EZH2: variants seen among roughly 807,000 people sequenced by gnomAD.
EZH2 encodes enhancer of zeste 2 polycomb repressive complex 2 subunit, also known as histone-lysine N-methyltransferase EZH2.
A neutral mutation model predicts 98.4 loss-of-function variants in EZH2; 18 were observed. That is an observed-to-expected ratio of 0.18 (90% CI 0.13 to 0.27). EZH2 has a LOEUF of 0.27. Ranked by LOEUF, EZH2 falls within the 10% of genes least tolerant of loss-of-function variation. The pLI, the probability that EZH2 is intolerant of heterozygous loss-of-function variation, is 1.00. For synonymous variants in EZH2, 338 were observed against 312.3 expected, an observed-to-expected ratio of 1.08 and a Z score of -0.87; for missense variants, 470 against 935.1, an observed-to-expected ratio of 0.50 and a Z score of 6.49.
chr7:148,881,896 T>C (rs950247365), intron 1 of EZH2, among the ~76,000 whole-genome samples: 1 of 149,308 alleles, frequency 6.7e-6, no homozygotes, highest in Non-Finnish European at 1.5e-5. Flanking sequence ...ATCCAGCCAC[T>C]GCACTCCAGC....
At chr7:148,855,897 C>CAAAAAAAAAA (rs34692092) in intron 1 of EZH2, among the ~76,000 whole-genome samples, 1 of 41,016 alleles carries the variant, frequency 2.4e-5, no homozygotes, top group Non-Finnish European at 4.3e-5. Flanking sequence ...GACTCCATCT[C>CAAAAAAAAAA]AAAAAAAAAA....
intron 1 of EZH2, among the ~76,000 whole-genome samples, chr7:148,874,723 AAT>A (rs1375726335): frequency 6.6e-6 from 1 of 152,150 alleles, no homozygotes; most frequent in Non-Finnish European, 1.5e-5. Context: ...ACAAAAATAA[AAT>A]AGTGTATAGA....
intron 1 of EZH2, among the ~76,000 whole-genome samples, chr7:148,848,729 TC>T (rs1814869529): frequency 6.6e-6 from 1 of 152,166 alleles, no homozygotes; most frequent in African/African-American, 2.4e-5. Flanking sequence ...TATTATTAAA[TC>T]CTTGCCCCTA....
rs1395843139 is a variant in EZH2, at chr7:148,809,148, C to T, written c.2118G>A (p.Met706Ile). The T allele has an allele frequency of 6.2e-7, 1 of 1,614,046 alleles. No individual in the cohort carries two copies. Among genetic ancestry groups the T allele is most frequent in the Non-Finnish European group, 8.5e-7 (1 of 1,180,010 alleles). ...VNPNCYAKVM[M>I]VNGDHRIGIF... ...TACCTATCCTGTGATCACCGTTAAC[C>T]ATCATAACTGCAAAGAGACACACTG... Residue 706 changes from methionine to isoleucine, a missense_variant, in exon 19 of 20, where the codon ATG becomes ATA. Met to Ile is a conservative substitution (Grantham distance 10). Transcript: ENST00000320356.
chr7:148,823,635 T>C (rs1285020429), intron 8 of EZH2, among the ~76,000 whole-genome samples: 2 of 151,786 alleles, frequency 1.3e-5, no homozygotes, highest in African/African-American at 2.4e-5. Context: ...GGAGACTTTA[T>C]TGTACACATT....
intron 8 of EZH2, 126 bp from the exon 9 acceptor site, chr7:148,819,813 C>T: frequency 6.6e-6 from 5 of 754,346 alleles, no homozygotes; most frequent in Non-Finnish European, 1.1e-5. Flanking sequence ...TACGTTACTT[C>T]ATACAACTTT....
intron 1 of EZH2, among the ~76,000 whole-genome samples, chr7:148,876,728 G>A (rs912759103): frequency 4.6e-5 from 7 of 152,128 alleles, no homozygotes; most frequent in African/African-American, 1.7e-4. Context: ...TTAGAGCAAG[G>A]GGCAGCAAAC....
At chr7:148,811,817 A>AAC in intron 15 of EZH2, 97 bp from the exon 16 acceptor site, 1 of 1,019,556 alleles carries the variant, frequency 9.8e-7, no homozygotes, top group Non-Finnish European at 1.5e-6. Context: ...CTATCACTGT[A>AAC]AATCCTCAGA....
chr7:148,865,637 TA>T (rs1563061531), intron 1 of EZH2, among the ~76,000 whole-genome samples: 4 of 152,330 alleles, frequency 2.6e-5, no homozygotes, highest in Admixed American at 2.0e-4. Flanking sequence ...GTCTTGAACC[TA>T]AAAAGAAGGT....
chr7:148,807,454 A>ACAAAACACTTTGCAG lies in EZH2; in HGVS notation c.*177_*191dup, dbSNP rs1366995364. On this transcript the variant is annotated 3_prime_UTR_variant, in exon 20 of 20. Coordinates refer to ENST00000320356, the MANE Select transcript of EZH2 (RefSeq NM_004456.5). ...TGCATTATTGCAAAAATTCACTGGT[A>ACAAAACACTTTGCAG]CAAAACACTTTGCAGCTGGTGAGAA... 1 of 591,236 alleles carries ACAAAACACTTTGCAG rather than the reference A, an allele frequency of 1.7e-6. No homozygotes were observed. Among genetic ancestry groups the ACAAAACACTTTGCAG allele is most frequent in the Non-Finnish European group, 3.0e-6 (1 of 330,740 alleles). The allele number at this position is 591,236 out of a possible 1,614,324, so 36.6% of individuals were successfully genotyped here. A position where few individuals can be genotyped will look rare whatever the true frequency, so the allele number is the denominator to read the frequency against.
intron 3 of EZH2, chr7:148,836,810 G>A: frequency 2.0e-6 from 1 of 493,658 alleles, no homozygotes; most frequent in African/African-American, 1.9e-5. Context: ...CTCTGAGGAT[G>A]GATAGACTTA....
intron 19 of EZH2, among the ~76,000 whole-genome samples, chr7:148,807,970 G>A (rs1801959409): frequency 6.6e-6 from 1 of 152,186 alleles, no homozygotes; most frequent in South Asian, 2.1e-4. Flanking sequence ...CATTCCCAGA[G>A]CCTGACCAGC....
rs530387567 is a variant in EZH2, at chr7:148,866,945, C to T, written c.-8+17219G>A. Among the ~76,000 whole-genome samples the T allele has an allele frequency of 4.1e-4, 62 of 150,186 alleles. No individual in the cohort carries two copies. In the Middle Eastern group the frequency reaches 0.017, roughly 41 times the overall value. The stretch of plus-strand genomic sequence containing the variant: ...GCCAGGCTGGTCTCGAACTCCTAAC[C>T]TCAAGTGATCCACCCGCCTCAGCCT... On this transcript the variant is annotated intron_variant, in intron 1 of 19. Coordinates refer to ENST00000320356, the MANE Select transcript of EZH2 (RefSeq NM_004456.5).
At chr7:148,833,301 A>C (rs1431632325) in intron 3 of EZH2, among the ~76,000 whole-genome samples, 15 of 151,740 alleles carry the variant, frequency 9.9e-5, no homozygotes, top group African/African-American at 3.6e-4. Flanking sequence ...TACTAAAAAT[A>C]CAAAAATTAG....
At chr7:148,861,509 G>A (rs1236672255) in intron 1 of EZH2, among the ~76,000 whole-genome samples, 3 of 152,154 alleles carry the variant, frequency 2.0e-5, no homozygotes, top group Non-Finnish European at 2.9e-5. Context: ...TTACAGGCAT[G>A]AGCCACAGCG....
chr7:148,865,024 G>A (rs1424126588), intron 1 of EZH2, among the ~76,000 whole-genome samples: 4 of 151,868 alleles, frequency 2.6e-5, no homozygotes, highest in African/African-American at 9.7e-5. Context: ...CTATTTGGGA[G>A]TCTGAGGCAG....
At chr7:148,812,710 G>T (rs1476655119) in intron 15 of EZH2, among the ~76,000 whole-genome samples, 1 of 152,130 alleles carries the variant, frequency 6.6e-6, no homozygotes, top group Non-Finnish European at 1.5e-5. Context: ...GTTTGGGGGG[G>T]AAATTGAGAT....
At chr7:148,816,843 C>G (rs1470922666) in intron 11 of EZH2, 65 bp from the exon 12 acceptor site, 4 of 1,125,816 alleles carry the variant, frequency 3.6e-6, no homozygotes, top group African/African-American at 1.5e-5. Flanking sequence ...TTCTTATACT[C>G]ATGCATACCA....
intron 1 of EZH2, among the ~76,000 whole-genome samples, chr7:148,852,743 C>T (rs1386026509): frequency 1.3e-5 from 2 of 152,216 alleles, no homozygotes; most frequent in African/African-American, 4.8e-5. Context: ...AGCCCTAAGT[C>T]AGGCAGACCT....
Sources: allele counts gnomAD v4.1 joint callset (sites outside exome capture counted in the v4.1 genomes callset), GRCh38; gene constraint gnomAD v4.1.1; transcripts MANE v1.5; gene names NCBI Gene and HGNC (gene_info 2026-07-23, HGNC 2026-07-21).